Variants in SORCS3 observed in about 807,000 individuals in gnomAD.
SORCS3 encodes VPS10 domain-containing receptor SorCS3.
A neutral mutation model predicts 146.3 loss-of-function variants in SORCS3; 57 were observed. The ratio of observed to expected loss-of-function variants is 0.39; its 90% confidence interval spans 0.31 to 0.49. SORCS3 has a LOEUF of 0.49. Among genes scored for constraint, SORCS3 ranks in the 20% least tolerant of loss-of-function variants. The pLI, the probability that SORCS3 is intolerant of heterozygous loss-of-function variation, is 0.92. For synonymous variants in SORCS3, 653 were observed against 618.5 expected, an observed-to-expected ratio of 1.06 and a Z score of -0.83; for missense variants, 1,341 against 1,575.5, an observed-to-expected ratio of 0.85 and a Z score of 2.52.
intron 22 of SORCS3, among the ~76,000 whole-genome samples, chr10:105,248,659 G>C (rs1256970522): frequency 1.4e-5 from 2 of 147,254 alleles, no homozygotes; most frequent in East Asian, 4.0e-4. Context: ...GGTTGCATGA[G>C]CCGAGATATT....
rs530847359 is a variant in SORCS3, at chr10:105,213,495, G to A, written c.2376-947G>A. ...GATAATAATGCTGCTGGTGATGATGGTGGTGATGGTCATAGTGGTGGTGTG... is the reference window on the plus strand; with the variant it reads ...GATAATAATGCTGCTGGTGATGATGATGGTGATGGTCATAGTGGTGGTGTG... On this transcript the variant is annotated intron_variant, in intron 17 of 26. Transcript: ENST00000369701. Among the ~76,000 whole-genome samples the A allele has an allele frequency of 1.4e-4, 22 of 152,284 alleles. No homozygotes were observed. The South Asian group carries it at 4.6e-3, about 32-fold the overall frequency.
chr10:105,155,665 G>C (rs1173836541), intron 9 of SORCS3, among the ~76,000 whole-genome samples: 1 of 152,204 alleles, frequency 6.6e-6, no homozygotes, highest in Non-Finnish European at 1.5e-5. Context: ...TTGAGATGCT[G>C]TCCTTCCTGA....
At chr10:104,978,512 G>C (rs1368086458) in intron 4 of SORCS3, among the ~76,000 whole-genome samples, 1 of 152,144 alleles carries the variant, frequency 6.6e-6, no homozygotes, top group Admixed American at 6.5e-5. Context: ...CTCTCTTCCA[G>C]TATTCCCTAT....
At chr10:105,210,907 T>C (rs2056629448) in intron 16 of SORCS3, among the ~76,000 whole-genome samples, 2 of 152,232 alleles carry the variant, frequency 1.3e-5, no homozygotes, top group South Asian at 4.1e-4. Context: ...AATTTCTATT[T>C]GCTAAGTTGC....
chr10:104,832,747 A>G (rs967117803), intron 1 of SORCS3, among the ~76,000 whole-genome samples: 2 of 151,486 alleles, frequency 1.3e-5, no homozygotes, highest in Admixed American at 1.3e-4. Context: ...ATAAATAAAT[A>G]AATGAACGAA....
chr10:105,074,256 G>C lies in SORCS3; in HGVS notation c.1029-15519G>C, dbSNP rs138784977. Among the ~76,000 whole-genome samples, 3 of 152,256 alleles carry C rather than the reference G, an allele frequency of 2.0e-5. No individual in the cohort carries two copies. The East Asian group carries it at 5.8e-4, about 29-fold the overall frequency. On this transcript the variant is annotated intron_variant, in intron 5 of 26. Coordinates refer to ENST00000369701, the MANE Select transcript of SORCS3 (RefSeq NM_014978.3). ...GTCCGTGTGAGCTGTGTTTGAATTG[G>C]GAGCTGTCATTTATCAGCTGCGGTG...
chr10:104,736,690 A>T (rs546622291), intron 1 of SORCS3, among the ~76,000 whole-genome samples: 41 of 151,794 alleles, frequency 2.7e-4, no homozygotes, highest in African/African-American at 9.7e-4. Context: ...TATTCTCAGC[A>T]GGTGAACCTT....
At chr10:105,058,141 G>A (rs1564744355) in intron 5 of SORCS3, among the ~76,000 whole-genome samples, 1 of 152,196 alleles carries the variant, frequency 6.6e-6, no homozygotes, top group African/African-American at 2.4e-5. Flanking sequence ...TGGAACCCCT[G>A]GGGGATCCCA....
intron 25 of SORCS3, among the ~76,000 whole-genome samples, chr10:105,259,620 A>T (rs2056949417): frequency 6.6e-6 from 1 of 152,170 alleles, no homozygotes; most frequent in African/African-American, 2.4e-5. Flanking sequence ...TCATCATGAG[A>T]TGGCTTTTCT....
At chr10:104,677,016 G>A (rs2133261720) in intron 1 of SORCS3, among the ~76,000 whole-genome samples, 1 of 152,280 alleles carries the variant, frequency 6.6e-6, no homozygotes, top group South Asian at 2.1e-4. Context: ...AATGGCTGGG[G>A]CATGAGATTA....
At chr10:105,118,709 T>C (rs1344478753) in intron 7 of SORCS3, among the ~76,000 whole-genome samples, 1 of 152,188 alleles carries the variant, frequency 6.6e-6, no homozygotes, top group African/African-American at 2.4e-5. Flanking sequence ...TCTTGGGAAC[T>C]GGAGTAAAGG....
chr10:105,092,757 A>AAAAC lies in SORCS3; in HGVS notation c.1093+2934_1093+2937dup, dbSNP rs548665761. Among the ~76,000 whole-genome samples the AAAAC allele has an allele frequency of 2.8e-3, 428 of 152,282 alleles. 3 individuals are homozygous for AAAAC. Among genetic ancestry groups the AAAAC allele is most frequent in the African/African-American group, 9.6e-3 (397 of 41,548 alleles). ...TCACATAGCTAATTGGCGATAGGAA[A>AAAAC]AAACAAACAAACAAACAAAAAAGCA... On this transcript the variant is annotated intron_variant, in intron 6 of 26. Coordinates refer to ENST00000369701, the MANE Select transcript of SORCS3 (RefSeq NM_014978.3).
chr10:105,083,386 T>G (rs1369216698), intron 5 of SORCS3, among the ~76,000 whole-genome samples: 1 of 152,110 alleles, frequency 6.6e-6, no homozygotes, highest in Non-Finnish European at 1.5e-5. Flanking sequence ...CTCATGGCCT[T>G]CTGGTCTATC....
At position 104,713,000 on chromosome 10, in the gene SORCS3, G is replaced by C. The variant is rs4603230; in HGVS notation, c.627+71046G>C. Among the ~76,000 whole-genome samples the C allele has an allele frequency of 5.0e-3, 764 of 152,220 alleles. 8 individuals carry two copies. The highest frequency in any genetic ancestry group is 0.018 in the African/African-American group (745 of 41,520). ...TATGGGTGGGATTTCAGATAAACAGGATTTAAAGTAACTGGGCAGGTTTTA... is the reference window on the plus strand; with the variant it reads ...TATGGGTGGGATTTCAGATAAACAGCATTTAAAGTAACTGGGCAGGTTTTA... On this transcript the variant is annotated intron_variant, in intron 1 of 26. Transcript: ENST00000369701.
At chr10:105,186,508 A>G (rs1181855628) in intron 14 of SORCS3, among the ~76,000 whole-genome samples, 1 of 141,876 alleles carries the variant, frequency 7.0e-6, no homozygotes, top group Non-Finnish European at 1.6e-5. Flanking sequence ...TAAAGTAGGA[A>G]ACTGAGAAAT....
chr10:105,177,407 A>G (rs1022839175), intron 13 of SORCS3, among the ~76,000 whole-genome samples: 2 of 152,192 alleles, frequency 1.3e-5, no homozygotes, highest in Admixed American at 6.5e-5. Context: ...CAAGAAAGGA[A>G]AGGAAACAAG....
chr10:104,663,176 GGGTTCTGTT>G (rs2015724517), intron 1 of SORCS3, among the ~76,000 whole-genome samples: 1 of 152,142 alleles, frequency 6.6e-6, no homozygotes, highest in Non-Finnish European at 1.5e-5. Flanking sequence ...GCAGCCAGTG[GGGTTCTGTT>G]GTAATTAAAG....
chr10:104,746,751 A>G (rs146642171), intron 1 of SORCS3, among the ~76,000 whole-genome samples: 92 of 152,266 alleles, frequency 6.0e-4, no homozygotes, highest in African/African-American at 2.1e-3. Flanking sequence ...TAAAAGTGAG[A>G]TAATGTGATA....
intron 19 of SORCS3, among the ~76,000 whole-genome samples, chr10:105,220,945 C>G (rs1212960040): frequency 6.6e-6 from 1 of 152,122 alleles, no homozygotes; most frequent in Non-Finnish European, 1.5e-5. Context: ...AGACGTGTAT[C>G]TGAATTGACA....
Sources: gnomAD v4.1 joint callset for allele counts (sites outside exome capture counted in the v4.1 genomes callset) on GRCh38, gnomAD v4.1.1 for gene constraint, MANE v1.5 for transcripts, NCBI Gene and HGNC (gene_info 2026-07-23, HGNC 2026-07-21) for gene names.